Variants in PPME1 observed in about 807,000 individuals in gnomAD.
PPME1 encodes the protein testicular secretory protein Li 39.
PPME1 carries 17 observed loss-of-function variants against 56.9 expected under a neutral mutation model. The observed-to-expected ratio is 0.30, with a 90% CI of 0.20 to 0.45. The LOEUF (loss-of-function observed/expected upper bound fraction) is 0.45, where lower values mean the gene tolerates loss of function less well. Among genes scored for constraint, PPME1 ranks in the 20% least tolerant of loss-of-function variants. The pLI, the probability that PPME1 is intolerant of heterozygous loss-of-function variation, is 1.00. For missense variants in PPME1, 357 were observed against 483.2 expected, an observed-to-expected ratio of 0.74 and a Z score of 2.45; for synonymous variants, 122 against 156.2, an observed-to-expected ratio of 0.78 and a Z score of 1.63.
At chr11:74,238,943 C>G (rs1385492295) in intron 8 of PPME1, 190 bp from the exon 9 acceptor site, 1 of 545,716 alleles carries the variant, frequency 1.8e-6, no homozygotes, top group African/African-American at 1.9e-5. Flanking sequence ...GGAAACCAGC[C>G]CTTGGAGAAT....
chr11:74,242,647 G>C (rs561468715), intron 9 of PPME1, among the ~76,000 whole-genome samples: 2 of 151,904 alleles, frequency 1.3e-5, no homozygotes, highest in African/African-American at 4.8e-5. Context: ...TTGGGAGGCC[G>C]AGGTGGGTGG....
chr11:74,229,406 T>A (rs1374037687), intron 5 of PPME1, among the ~76,000 whole-genome samples: 1 of 152,156 alleles, frequency 6.6e-6, no homozygotes, highest in African/African-American at 2.4e-5. Context: ...ATCCACCTAT[T>A]GCTATAGCAA....
intron 1 of PPME1, among the ~76,000 whole-genome samples, chr11:74,179,676 T>G (rs1392241233): frequency 6.6e-6 from 1 of 152,214 alleles, no homozygotes; most frequent in Admixed American, 6.5e-5. Context: ...AAGTAAGATT[T>G]GAGTTAGATG....
intron 3 of PPME1, among the ~76,000 whole-genome samples, chr11:74,212,087 G>A (rs1357952683): frequency 6.6e-6 from 1 of 152,188 alleles, no homozygotes; most frequent in Non-Finnish European, 1.5e-5. Flanking sequence ...ATCACTTAAA[G>A]AGACACTGAA....
intron 7 of PPME1, among the ~76,000 whole-genome samples, chr11:74,232,728 A>C (rs1859099435): frequency 7.0e-6 from 1 of 143,452 alleles, no homozygotes; most frequent in Non-Finnish European, 1.5e-5. Flanking sequence ...CAGGCTGTGG[A>C]GTCCAGTGGC....
chr11:74,236,483 T>C (rs184750899), intron 8 of PPME1, among the ~76,000 whole-genome samples: 2 of 152,318 alleles, frequency 1.3e-5, no homozygotes, highest in African/African-American at 4.8e-5. Context: ...TTTAGATGAA[T>C]TGAGAAAATG....
chr11:74,253,616 A>G lies in PPME1; in HGVS notation c.*106A>G. 3 of 1,279,048 alleles carry G rather than the reference A, an allele frequency of 2.3e-6. No homozygotes were observed. Among genetic ancestry groups the G allele is most frequent in the Non-Finnish European group, 2.3e-6 (2 of 877,854 alleles). 79.2% of individuals were successfully genotyped at this position (1,279,048 alleles called of 1,614,324 possible). A position where few individuals can be genotyped will look rare whatever the true frequency, so the allele number is the denominator to read the frequency against. On this transcript the variant is annotated 3_prime_UTR_variant, in exon 14 of 14. Coordinates refer to ENST00000328257, the MANE Select transcript of PPME1 (RefSeq NM_016147.3). ...CCTCTCCATCCCGCCCAGCCATGTGACACTGGCTCCCGGTAGACGGGCACC... is the reference window on the plus strand; with the variant it reads ...CCTCTCCATCCCGCCCAGCCATGTGGCACTGGCTCCCGGTAGACGGGCACC...
intron 1 of PPME1, among the ~76,000 whole-genome samples, chr11:74,203,399 CTAGCAGG>C (rs1268037096): frequency 6.6e-6 from 1 of 152,106 alleles, no homozygotes; most frequent in Non-Finnish European, 1.5e-5. Flanking sequence ...AGGTGAAAAA[CTAGCAGG>C]TTTTGTGTGT....
intron 1 of PPME1, among the ~76,000 whole-genome samples, chr11:74,185,830 CTGTGTTTAT>C (rs1857666867): frequency 6.6e-6 from 1 of 152,062 alleles, no homozygotes; most frequent in Admixed American, 6.6e-5. Context: ...CTACAGCAGT[CTGTGTTTAT>C]CCATGCACTT....
At chr11:74,185,510 T>G (rs991567056) in intron 1 of PPME1, among the ~76,000 whole-genome samples, 3 of 152,184 alleles carry the variant, frequency 2.0e-5, no homozygotes, top group Admixed American at 6.5e-5. Flanking sequence ...ACGTTGATTT[T>G]GAGGGTAAGC....
chr11:74,216,905 A>G (rs1247690208), intron 3 of PPME1, among the ~76,000 whole-genome samples: 1 of 152,208 alleles, frequency 6.6e-6, no homozygotes, highest in African/African-American at 2.4e-5. Flanking sequence ...CGTACAACCT[A>G]CGAAGGTTGA....
intron 3 of PPME1, among the ~76,000 whole-genome samples, chr11:74,216,714 A>G (rs917365796): frequency 5.9e-5 from 9 of 152,130 alleles, no homozygotes; most frequent in African/African-American, 1.9e-4. Context: ...TTTTTGAAAC[A>G]TGAAATTGGC....
chr11:74,185,205 G>A (rs1376461203), intron 1 of PPME1, among the ~76,000 whole-genome samples: 1 of 151,768 alleles, frequency 6.6e-6, no homozygotes, highest in Non-Finnish European at 1.5e-5. Flanking sequence ...TCACCATGTT[G>A]GTCAGGCTGG....
intron 10 of PPME1, among the ~76,000 whole-genome samples, chr11:74,246,459 C>T (rs1591068973): frequency 6.6e-6 from 1 of 152,140 alleles, no homozygotes; most frequent in Admixed American, 6.5e-5. Context: ...TAATTAGGGA[C>T]GTTCATCCTA....
intron 1 of PPME1, among the ~76,000 whole-genome samples, chr11:74,192,461 A>G (rs1255982916): frequency 6.6e-6 from 1 of 152,116 alleles, no homozygotes; most frequent in Non-Finnish European, 1.5e-5. Context: ...GAAACAAGTT[A>G]AGACTTTGGG....
chr11:74,198,782 A>G (rs1222367072), intron 1 of PPME1: 1 of 152,152 alleles, frequency 6.6e-6, no homozygotes, highest in Non-Finnish European at 1.5e-5. Flanking sequence ...TCCAAGTACT[A>G]ACCAGGCCTG....
intron 3 of PPME1, chr11:74,205,214 T>C (rs947244341): frequency 2.0e-5 from 3 of 152,236 alleles, no homozygotes; most frequent in African/African-American, 7.2e-5. Context: ...ATTCTTTATA[T>C]TTTAATGGTG....
chr11:74,238,244 A>G (rs759724138), intron 8 of PPME1: 1 of 151,896 alleles, frequency 6.6e-6, no homozygotes, highest in African/African-American at 2.4e-5. Context: ...TAAAACACCT[A>G]CTTAACAAAA....
intron 1 of PPME1, among the ~76,000 whole-genome samples, chr11:74,195,309 C>G (rs189821166): frequency 6.6e-6 from 1 of 152,144 alleles, no homozygotes; most frequent in Non-Finnish European, 1.5e-5. Flanking sequence ...TGTTTTACCA[C>G]TTGTGCATGT....
Sources: allele counts gnomAD v4.1 joint callset (sites outside exome capture counted in the v4.1 genomes callset), GRCh38; gene constraint gnomAD v4.1.1; transcripts MANE v1.5; gene names NCBI Gene and HGNC (gene_info 2026-07-23, HGNC 2026-07-21).